CWC22: variants seen among roughly 807,000 people sequenced by gnomAD.
CWC22 encodes pre-mRNA-splicing factor CWC22 homolog.
Under a neutral mutation model 117.2 loss-of-function variants are expected in CWC22, and 53 were observed. The observed-to-expected ratio is 0.45, with a 90% CI of 0.36 to 0.57. The LOEUF (loss-of-function observed/expected upper bound fraction) is 0.57. Ranked by LOEUF, CWC22 falls within the 20% of genes least tolerant of loss-of-function variation. The pLI, the probability that CWC22 is intolerant of heterozygous loss-of-function variation, is 0.00. For missense variants in CWC22, 980 were observed against 1,068.8 expected (o/e 0.92, Z 1.16); for synonymous variants, 360 against 355.6 (o/e 1.01, Z -0.14).
Position 179,978,211 on chromosome 2 carries a change from T to G in CWC22, c.560A>C (p.Gln187Pro), listed in dbSNP as rs1354244938. ...NISIIIQELLQENIVRGRGLL... is the reference protein window; with the variant it reads ...NISIIIQELLPENIVRGRGLL... The stretch of plus-strand genomic sequence containing the variant: ...TTACCTTCCTCTAACTATATTTTCT[T>G]GAAGAAGCTCTTGAATAATAATACT... The change falls in exon 6 of 20, where the codon CAA becomes CCA. Residue 187 changes from glutamine to proline, a missense_variant. By Grantham distance (76) the Gln-to-Pro change is moderately conservative (BLOSUM62 -1). Around this residue, in one of 3 missense-constraint regions of CWC22, gnomAD observed 559 missense variants for 602.3 expected, o/e 0.93. Transcript: ENST00000410053. 1 of 1,542,164 alleles carries G rather than the reference T, an allele frequency of 6.5e-7. No homozygotes were observed. Among genetic ancestry groups the G allele is most frequent in the African/African-American group, 1.4e-5 (1 of 71,438 alleles).
At chr2:179,974,070 G>C (rs1687096641) in intron 6 of CWC22, among the ~76,000 whole-genome samples, 1 of 151,984 alleles carries the variant, frequency 6.6e-6, no homozygotes, top group South Asian at 2.1e-4. Context: ...TCTTTTCCCA[G>C]TCTGTTATAT....
At chr2:179,970,394 A>C in intron 11 of CWC22, 107 bp downstream of exon 11, 1 of 1,121,330 alleles carries the variant, frequency 8.9e-7, no homozygotes, top group East Asian at 2.6e-5. Flanking sequence ...TTATAAGAGC[A>C]GCGATTCATT....
chr2:179,947,746 A>C (rs1686345507), intron 19 of CWC22, among the ~76,000 whole-genome samples: 1 of 152,232 alleles, frequency 6.6e-6, no homozygotes, highest in South Asian at 2.1e-4. Context: ...ACAGCCCCAC[A>C]ATTCTGGATG....
Position 179,960,641 on chromosome 2 carries a change from T to C in CWC22, c.1398-1559A>G, listed in dbSNP as rs371396601. ...CAATCTAATATGACTCTCATTTTTA[T>C]AGATGAGAAAAATGAGACTTAGGTA... On this transcript the variant is annotated intron_variant, in intron 13 of 19. Transcript: ENST00000410053. Among the ~76,000 whole-genome samples the C allele has an allele frequency of 2.0e-4, 31 of 152,108 alleles. 1 individual carries two copies. In the South Asian group the frequency reaches 6.2e-3, roughly 30 times the overall value.
intron 16 of CWC22, among the ~76,000 whole-genome samples, chr2:179,953,074 A>G (rs1686494096): frequency 6.6e-6 from 1 of 152,130 alleles, no homozygotes; most frequent in Non-Finnish European, 1.5e-5. Context: ...TGCCTAAAGA[A>G]ATATTTTTAG....
chr2:179,989,483 T>TA (rs1303541523), intron 2 of CWC22, among the ~76,000 whole-genome samples: 2 of 152,192 alleles, frequency 1.3e-5, no homozygotes, highest in Non-Finnish European at 2.9e-5. Flanking sequence ...TTATAAAAGT[T>TA]AATTTTTGTT....
chr2:179,983,187 A>AT (rs568782092), intron 4 of CWC22, among the ~76,000 whole-genome samples: 1 of 152,004 alleles, frequency 6.6e-6, no homozygotes, highest in South Asian at 2.1e-4. Context: ...TGTTGTATAG[A>AT]TTATTTTACC....
chr2:180,006,465 G>A (rs1285175807), intron 1 of CWC22, among the ~76,000 whole-genome samples: 1 of 152,208 alleles, frequency 6.6e-6, no homozygotes, highest in East Asian at 1.9e-4. Flanking sequence ...AATGACAGAT[G>A]AAGCGGGCAC....
At chr2:179,984,805 A>C (rs1279887004) in intron 4 of CWC22, among the ~76,000 whole-genome samples, 1 of 152,062 alleles carries the variant, frequency 6.6e-6, no homozygotes, top group Non-Finnish European at 1.5e-5. Flanking sequence ...AAATAATGTT[A>C]GTTTTGTAAG....
At chr2:179,976,843 G>A (rs1478928766) in intron 6 of CWC22, among the ~76,000 whole-genome samples, 2 of 152,088 alleles carry the variant, frequency 1.3e-5, no homozygotes, top group African/African-American at 2.4e-5. Context: ...TAGTATAGAG[G>A]TTCCTTAAAA....
At chr2:179,960,436 GAAAT>G (rs1310536931) in intron 13 of CWC22, among the ~76,000 whole-genome samples, 1 of 151,680 alleles carries the variant, frequency 6.6e-6, no homozygotes, top group South Asian at 2.1e-4. Flanking sequence ...TGAGGACAAA[GAAAT>G]AAAAGCTTTT....
chr2:179,983,628 C>T (rs1305588330), intron 4 of CWC22, among the ~76,000 whole-genome samples: 1 of 151,888 alleles, frequency 6.6e-6, no homozygotes, highest in Non-Finnish European at 1.5e-5. Flanking sequence ...GGTATATACC[C>T]AGTAATGAGA....
At chr2:179,972,485 T>C (rs1687056656) in intron 8 of CWC22, among the ~76,000 whole-genome samples, 1 of 152,128 alleles carries the variant, frequency 6.6e-6, no homozygotes, top group African/African-American at 2.4e-5. Context: ...ACTATACCTG[T>C]GTGGTTGCAA....
chr2:179,947,255 G>C (rs747103853), intron 19 of CWC22, among the ~76,000 whole-genome samples: 6 of 152,046 alleles, frequency 3.9e-5, no homozygotes, highest in Non-Finnish European at 7.4e-5. Flanking sequence ...TTGCCACTAA[G>C]GACCTATTTC....
intron 14 of CWC22, among the ~76,000 whole-genome samples, chr2:179,955,613 A>G (rs1386709294): frequency 2.6e-5 from 4 of 152,058 alleles, no homozygotes; most frequent in Non-Finnish European, 5.9e-5. Context: ...TGTTATTCAT[A>G]TAGACCTATC....
In CWC22 at chr2:179,986,825, C is replaced by A. The variant is rs1042052350; in HGVS notation, c.96-20G>T. 2.1e-6 allele frequency: 3 copies of A among 1,401,650 alleles called. No individual in the cohort carries two copies. The highest frequency in any genetic ancestry group is 4.6e-5 in the Admixed American group (2 of 43,184). The allele number at this position is 1,401,650 out of a possible 1,614,324, so 86.8% of individuals were successfully genotyped here. ...TCATATCTAACATAAAATAAGAAAA[C>A]CAAGTTGCAAATTAAAAACAACTAT... On this transcript the variant is annotated intron_variant, in intron 3 of 19. Coordinates refer to ENST00000410053, the MANE Select transcript of CWC22 (RefSeq NM_020943.3).
At position 179,966,078 on chromosome 2, in the gene CWC22, T is replaced by C. The variant is rs1471159637; in HGVS notation, c.1211-96A>G. 6.4e-6 allele frequency: 6 copies of C among 938,820 alleles called. No individual in the cohort carries two copies. The African/African-American group carries it at 6.6e-5, about 10-fold the overall frequency. 58.2% of individuals were successfully genotyped at this position (938,820 alleles called of 1,614,324 possible). A position where few individuals can be genotyped will look rare whatever the true frequency, so the allele number is the denominator to read the frequency against. On this transcript the variant is annotated intron_variant, in intron 11 of 19. Coordinates refer to ENST00000410053, the MANE Select transcript of CWC22 (RefSeq NM_020943.3). ...AAATTCTCAGTTCGTTGAAATCCAC[T>C]GTGGTGTAACAGTTTGCTAGCCAAC...
intron 2 of CWC22, among the ~76,000 whole-genome samples, chr2:179,992,819 C>T (rs369116111): frequency 2.6e-5 from 4 of 152,196 alleles, no homozygotes; most frequent in Non-Finnish European, 4.4e-5. Flanking sequence ...AATAAATGAA[C>T]GCACACTGTC....
At chr2:179,997,435 G>C (rs554392034) in intron 1 of CWC22, among the ~76,000 whole-genome samples, 11 of 152,260 alleles carry the variant, frequency 7.2e-5, no homozygotes, top group African/African-American at 2.6e-4. Flanking sequence ...GAGCCCTGTA[G>C]GGATAACCCT....
Sources: gnomAD v4.1 joint callset for allele counts (sites outside exome capture counted in the v4.1 genomes callset) on GRCh38, gnomAD v4.1.1 for gene constraint, gnomAD v4.1.1 regional missense constraint, MANE v1.5 for transcripts, NCBI Gene and HGNC (gene_info 2026-07-23, HGNC 2026-07-21) for gene names.